ARHGEF3: variants seen among roughly 807,000 people sequenced by gnomAD.
The protein encoded by ARHGEF3 is 59.8 kDA protein.
A neutral mutation model predicts 63.2 loss-of-function variants in ARHGEF3; 28 were observed. The ratio of observed to expected loss-of-function variants is 0.44; its 90% CI spans 0.33 to 0.61. The LOEUF is 0.61. Among genes scored for constraint, ARHGEF3 ranks in the 20% least tolerant of loss-of-function variants. The pLI is 0.03. For synonymous variants in ARHGEF3, 266 were observed against 254.2 expected (o/e 1.05, Z -0.44); for missense variants, 533 against 659.3 (o/e 0.81, Z 2.10).
chr3:56,825,151 T>C (rs1282504411), intron 4 of ARHGEF3, among the ~76,000 whole-genome samples: 1 of 152,218 alleles, frequency 6.6e-6, no homozygotes, highest in Admixed American at 6.5e-5. Flanking sequence ...ACCTCCCTCA[T>C]AGGGCTATTG....
chr3:56,769,832 GGTGT>G (rs1000082432), intron 2 of ARHGEF3, among the ~76,000 whole-genome samples: 7 of 152,164 alleles, frequency 4.6e-5, no homozygotes, highest in Non-Finnish European at 8.8e-5. Context: ...ATGTCTCTAA[GGTGT>G]CAGAAGCCAG....
At chr3:56,762,098 G>T (rs1370157101) in intron 2 of ARHGEF3, among the ~76,000 whole-genome samples, 1 of 152,146 alleles carries the variant, frequency 6.6e-6, no homozygotes, top group Non-Finnish European at 1.5e-5. Flanking sequence ...AGCCAGCCCA[G>T]TTATGACAAC....
rs146979990 is a variant in ARHGEF3, at chr3:56,770,518, T to C, written c.204+3191A>G. ...GTCTAGCTGGTGAGGGAAACTATTA[T>C]TGAGATGCTAGGGCTGGAAATAATG... is the stretch of plus-strand genomic sequence containing the variant. On this transcript the variant is annotated intron_variant, in intron 2 of 9. Coordinates refer to ENST00000296315, the MANE Select transcript of ARHGEF3 (RefSeq NM_019555.3). Among the ~76,000 whole-genome samples, 595 of 152,248 alleles carry C rather than the reference T, an allele frequency of 3.9e-3. 2 individuals carry two copies. The highest frequency in any genetic ancestry group is 0.014 in the African/African-American group (561 of 41,548).
rs541678941 is a variant in ARHGEF3, at chr3:56,810,696, T to C, written c.193-36880A>G. On this transcript the variant is annotated intron_variant, in intron 4 of 12. Transcript: ENST00000338458. ...GGCCTGAATTTGAAAACCCATACATTTATAGAGAAATGACTTCTGAGGAGT... is the reference window on the plus strand; with the variant it reads ...GGCCTGAATTTGAAAACCCATACATCTATAGAGAAATGACTTCTGAGGAGT... 3.1e-4 allele frequency among the ~76,000 whole-genome samples: 47 copies of C among 152,130 alleles called. 1 individual carries two copies. Among genetic ancestry groups the C allele is most frequent in the African/African-American group, 1.1e-3 (45 of 41,502 alleles).
chr3:57,057,747 C>T (rs1285107267), intron 1 of ARHGEF3, among the ~76,000 whole-genome samples: 1 of 152,216 alleles, frequency 6.6e-6, no homozygotes, highest in Non-Finnish European at 1.5e-5. Flanking sequence ...TTCTTCTACA[C>T]TCAACCCAGT....
chr3:56,885,083 T>C (rs2040876127), intron 3 of ARHGEF3, among the ~76,000 whole-genome samples: 1 of 152,172 alleles, frequency 6.6e-6, no homozygotes, highest in Non-Finnish European at 1.5e-5. Flanking sequence ...TGAGAAGGAC[T>C]GCACAGCATA....
intron 2 of ARHGEF3, among the ~76,000 whole-genome samples, chr3:56,999,542 C>T (rs1180749806): frequency 6.6e-6 from 1 of 152,182 alleles, no homozygotes; most frequent in Non-Finnish European, 1.5e-5. Context: ...TTTCCAGGCT[C>T]ACACTGTAAT....
chr3:56,974,668 C>A (rs1053951424), intron 2 of ARHGEF3, among the ~76,000 whole-genome samples: 1 of 152,132 alleles, frequency 6.6e-6, no homozygotes, highest in African/African-American at 2.4e-5. Flanking sequence ...CTCTCCCCTC[C>A]CCCTGCCCCC....
intron 4 of ARHGEF3, among the ~76,000 whole-genome samples, chr3:56,829,256 C>T (rs1349902151): frequency 6.6e-6 from 1 of 152,124 alleles, no homozygotes; most frequent in African/African-American, 2.4e-5. Flanking sequence ...TACAATTGCC[C>T]TCCATCCAGG....
At chr3:56,820,390 A>G (rs1416072297) in intron 4 of ARHGEF3, among the ~76,000 whole-genome samples, 1 of 152,234 alleles carries the variant, frequency 6.6e-6, no homozygotes, top group Non-Finnish European at 1.5e-5. Flanking sequence ...ACACATAATG[A>G]GAAAGCACAC....
chr3:57,078,494 G>A (rs1215509992), intron 1 of ARHGEF3: 1 of 152,382 alleles, frequency 6.6e-6, no homozygotes, highest in Non-Finnish European at 1.5e-5. Context: ...CAAAGCCCAA[G>A]GGAACCCGTT....
chr3:56,827,769 A>AC (rs2038781207), intron 4 of ARHGEF3, among the ~76,000 whole-genome samples: 1 of 123,332 alleles, frequency 8.1e-6, no homozygotes, highest in Non-Finnish European at 1.7e-5. Context: ...AAAAAAAAAA[A>AC]AAAACAGAAA....
intron 1 of ARHGEF3, among the ~76,000 whole-genome samples, chr3:56,784,036 G>A (rs921649609): frequency 6.6e-6 from 1 of 152,156 alleles, no homozygotes; most frequent in Non-Finnish European, 1.5e-5. Flanking sequence ...AGCCCCCACT[G>A]CCTGAAACTC....
intron 1 of ARHGEF3, among the ~76,000 whole-genome samples, chr3:56,787,993 C>T (rs1230862426): frequency 1.3e-5 from 2 of 152,038 alleles, no homozygotes; most frequent in Non-Finnish European, 2.9e-5. Context: ...AACCCTGAAA[C>T]GAATAGGCTG....
At chr3:56,785,388 C>T (rs1043825889) in intron 1 of ARHGEF3, among the ~76,000 whole-genome samples, 4 of 152,072 alleles carry the variant, frequency 2.6e-5, no homozygotes, top group Admixed American at 1.3e-4. Context: ...TTGAGGTTTG[C>T]ATTATCCTCC....
At chr3:56,910,228 C>G (rs1254257767) in intron 3 of ARHGEF3, among the ~76,000 whole-genome samples, 2 of 152,086 alleles carry the variant, frequency 1.3e-5, no homozygotes, top group Non-Finnish European at 2.9e-5. Flanking sequence ...TTGTGTGTGT[C>G]CCTCTCTCCC....
At chr3:56,818,881 C>A (rs2038365718) in intron 4 of ARHGEF3, among the ~76,000 whole-genome samples, 1 of 151,944 alleles carries the variant, frequency 6.6e-6, no homozygotes, top group Non-Finnish European at 1.5e-5. Flanking sequence ...ATAAAGTGCT[C>A]CCACAAGAAA....
intron 7 of ARHGEF3, among the ~76,000 whole-genome samples, chr3:56,742,826 A>G (rs1318744946): frequency 1.3e-5 from 2 of 152,256 alleles, no homozygotes; most frequent in Admixed American, 6.5e-5. Context: ...TACTTTATGC[A>G]CTAGGAAAAC....
At chr3:56,947,481 G>C (rs1290992277) in intron 3 of ARHGEF3, among the ~76,000 whole-genome samples, 2 of 152,134 alleles carry the variant, frequency 1.3e-5, no homozygotes, top group Non-Finnish European at 2.9e-5. Flanking sequence ...TGCAATCCTA[G>C]TCTCTGATAA....
Sources: allele counts gnomAD v4.1 joint callset (sites outside exome capture counted in the v4.1 genomes callset), GRCh38; gene constraint gnomAD v4.1.1; transcripts MANE v1.5; gene names NCBI Gene and HGNC (gene_info 2026-07-23, HGNC 2026-07-21).